NBEA: variants seen among roughly 807,000 people sequenced by gnomAD.
NBEA encodes the protein neurobeachin.
NBEA carries 44 observed loss-of-function variants against 343.4 expected under a neutral mutation model. The observed-to-expected ratio is 0.13, with a 90% CI of 0.10 to 0.16. The LOEUF (loss-of-function observed/expected upper bound fraction) is 0.16. Among genes scored for constraint, NBEA ranks in the 10% least tolerant of loss-of-function variants. The pLI is 1.00. For synonymous variants in NBEA, 1,175 were observed against 1,238.7 expected, an observed-to-expected ratio of 0.95 and a Z score of 1.08; for missense variants, 2,555 against 3,631.3, an observed-to-expected ratio of 0.70 and a Z score of 7.62.
Position 35,292,103 on chromosome 13 carries a change from A to G in NBEA, c.5838+1653A>G, listed in dbSNP as rs74048985. 4.8e-3 allele frequency among the ~76,000 whole-genome samples: 729 copies of G among 152,070 alleles called. 5 individuals are homozygous for G. The highest frequency in any genetic ancestry group is 0.017 in the African/African-American group (703 of 41,544). On this transcript the variant is annotated intron_variant, in intron 35 of 58. Transcript: ENST00000379939. ...TAACTGAAATAATGCTTTCGACTAA[A>G]TATTTTTAATGAAACAAATAATCCT...
At chr13:35,500,647 T>C (rs1287615486) in intron 41 of NBEA, among the ~76,000 whole-genome samples, 3 of 151,900 alleles carry the variant, frequency 2.0e-5, no homozygotes, top group Non-Finnish European at 4.4e-5. Flanking sequence ...TGAGCATTCA[T>C]TATTTTTGAT....
chr13:35,252,186 G>C (rs143541650), intron 34 of NBEA, among the ~76,000 whole-genome samples: 2,024 of 152,156 alleles, frequency 0.013, 22 homozygotes, highest in Non-Finnish European at 0.02. Flanking sequence ...TGGTGGAAGG[G>C]AAAGCAAGGT....
intron 52 of NBEA, among the ~76,000 whole-genome samples, 172 bp from the exon 53 acceptor site, chr13:35,651,633 T>G (rs1352215054): frequency 1.3e-5 from 2 of 152,172 alleles, no homozygotes. Flanking sequence ...GAAGTCCCTG[T>G]TGTGATTATT....
intron 11 of NBEA, among the ~76,000 whole-genome samples, chr13:35,103,667 G>A (rs2065768309): frequency 6.6e-6 from 1 of 151,660 alleles, no homozygotes; most frequent in African/African-American, 2.4e-5. Flanking sequence ...TATCCAAACT[G>A]ATTTTTCTCT....
chr13:35,438,794 T>C (rs917509477), intron 39 of NBEA, among the ~76,000 whole-genome samples: 6 of 152,218 alleles, frequency 3.9e-5, no homozygotes, highest in Non-Finnish European at 8.8e-5. Flanking sequence ...CTATGGTTTT[T>C]ACAGTCTCTT....
intron 10 of NBEA, among the ~76,000 whole-genome samples, chr13:35,074,345 GT>G (rs2064015537): frequency 6.6e-6 from 1 of 152,028 alleles, no homozygotes; most frequent in South Asian, 2.1e-4. Flanking sequence ...ATTGAGCTAT[GT>G]TTTTAAGAAC....
chr13:35,426,578 G>A (rs1186182499), intron 38 of NBEA, among the ~76,000 whole-genome samples: 3 of 152,008 alleles, frequency 2.0e-5, no homozygotes, highest in South Asian at 2.1e-4. Context: ...TGCCCTTAAC[G>A]TTTTTTCCTT....
intron 58 of NBEA, among the ~76,000 whole-genome samples, chr13:35,669,953 A>G (rs2085530654): frequency 6.6e-6 from 1 of 152,104 alleles, no homozygotes. Flanking sequence ...GGAAGAGCAT[A>G]TTCAAAGTTG....
At chr13:35,111,766 A>G (rs1396825049) in intron 13 of NBEA, among the ~76,000 whole-genome samples, 1 of 152,090 alleles carries the variant, frequency 6.6e-6, no homozygotes, top group East Asian at 1.9e-4. Flanking sequence ...GGGGCTAATG[A>G]CAAATATTTT....
At chr13:35,521,237 A>G (rs1270057410) in intron 41 of NBEA, among the ~76,000 whole-genome samples, 1 of 152,146 alleles carries the variant, frequency 6.6e-6, no homozygotes, top group Non-Finnish European at 1.5e-5. Flanking sequence ...TCCTAGTTTT[A>G]CATCTGGTTA....
At chr13:35,424,799 A>C (rs1338384634) in intron 38 of NBEA, among the ~76,000 whole-genome samples, 1 of 152,094 alleles carries the variant, frequency 6.6e-6, no homozygotes, top group African/African-American at 2.4e-5. Flanking sequence ...TTTCGTTGGT[A>C]AGCTATTGAT....
At chr13:35,480,249 C>T (rs1020783602) in intron 41 of NBEA, among the ~76,000 whole-genome samples, 1 of 152,012 alleles carries the variant, frequency 6.6e-6, no homozygotes, top group African/African-American at 2.4e-5. Context: ...GACCTGCTTA[C>T]TTATATGGGA....
chr13:35,465,655 T>C (rs1250809203), intron 40 of NBEA, among the ~76,000 whole-genome samples: 3 of 152,206 alleles, frequency 2.0e-5, no homozygotes, highest in Non-Finnish European at 4.4e-5. Flanking sequence ...GGCTCACTTA[T>C]TAAATCAAAA....
chr13:34,985,139 AGTTTTTGCCCATTCAGTAT>A (rs2060500349), intron 1 of NBEA, among the ~76,000 whole-genome samples: 1 of 151,060 alleles, frequency 6.6e-6, no homozygotes, highest in Admixed American at 6.6e-5. Flanking sequence ...GAATGCTTCA[AGTTTTTGCCCATTCAGTAT>A]GATATTGGCT....
intron 55 of NBEA, among the ~76,000 whole-genome samples, chr13:35,658,707 T>C (rs2084931535): frequency 6.6e-6 from 1 of 152,218 alleles, no homozygotes; most frequent in South Asian, 2.1e-4. Flanking sequence ...ATCAAATTGA[T>C]GATTATGAAA....
At chr13:35,496,565 T>C (rs2076684716) in intron 41 of NBEA, among the ~76,000 whole-genome samples, 2 of 147,464 alleles carry the variant, frequency 1.4e-5, no homozygotes, top group South Asian at 4.3e-4. Context: ...GCCCAGAAGG[T>C]TGAGGCTGCA....
Position 35,297,316 on chromosome 13 carries a change from A to T in NBEA, c.5838+6866A>T, listed in dbSNP as rs548173639. ...CATTCCCTTAGCATCTGAGTGCATA[A>T]ATCTAGATGATAAATATAGGTATCT... On this transcript the variant is annotated intron_variant, in intron 35 of 58. Coordinates refer to ENST00000379939, the MANE Select transcript of NBEA (RefSeq NM_001385012.1). 1.2e-4 allele frequency among the ~76,000 whole-genome samples: 19 copies of T among 152,114 alleles called. No homozygotes were observed. In the South Asian group the frequency reaches 3.9e-3, roughly 32 times the overall value.
intron 2 of NBEA, among the ~76,000 whole-genome samples, chr13:35,043,414 A>C (rs1251499314): frequency 6.6e-6 from 1 of 151,896 alleles, no homozygotes; most frequent in Non-Finnish European, 1.5e-5. Flanking sequence ...CCTTTAAGAA[A>C]TCTTCTGTAA....
intron 33 of NBEA, among the ~76,000 whole-genome samples, chr13:35,216,959 A>G (rs1171405915): frequency 6.6e-6 from 1 of 151,944 alleles, no homozygotes; most frequent in African/African-American, 2.4e-5. Context: ...GATTAGTTTT[A>G]TAAGAAACTG....
Sources: allele counts gnomAD v4.1 joint callset (sites outside exome capture counted in the v4.1 genomes callset), GRCh38; gene constraint gnomAD v4.1.1; transcripts MANE v1.5; gene names NCBI Gene and HGNC (gene_info 2026-07-23, HGNC 2026-07-21).